Variants in RNLS observed in about 807,000 individuals in gnomAD.
RNLS encodes renalase.
Under a neutral mutation model 39.8 loss-of-function variants are expected in RNLS, and 39 were observed. That is an observed-to-expected ratio of 0.98 (90% CI 0.76 to 1.28). The LOEUF (loss-of-function observed/expected upper bound fraction) is 1.28, where lower values mean the gene tolerates loss of function less well. Ranked by LOEUF, RNLS falls within the 50% of genes most tolerant of loss-of-function variation. The pLI, the probability that RNLS is intolerant of heterozygous loss-of-function variation, is 0.00. For synonymous variants in RNLS, 147 were observed against 150.7 expected (o/e 0.98, Z 0.18); for missense variants, 410 against 413.3 (o/e 0.99, Z 0.07).
chr10:88,357,425 T>C (rs1282162391), intron 5 of RNLS, among the ~76,000 whole-genome samples: 2 of 152,170 alleles, frequency 1.3e-5, no homozygotes, highest in African/African-American at 4.8e-5. Context: ...ATGACAGATA[T>C]TGCTGATTGT....
chr10:88,483,733 T>C (rs1844338412), intron 4 of RNLS, among the ~76,000 whole-genome samples: 1 of 152,076 alleles, frequency 6.6e-6, no homozygotes. Flanking sequence ...TCACACTTCT[T>C]TCCAGAGAAT....
At chr10:88,199,832 TA>T in the RNLS span, among the ~76,000 whole-genome samples, 3 of 152,198 alleles carry the variant, frequency 2.0e-5, no homozygotes, top group Non-Finnish European at 2.9e-5. Flanking sequence ...TTGACATATT[TA>T]AAATCTTCCC....
At chr10:88,352,886 T>C (rs1206518327) in intron 5 of RNLS, among the ~76,000 whole-genome samples, 5 of 152,222 alleles carry the variant, frequency 3.3e-5, no homozygotes, top group African/African-American at 1.2e-4. Flanking sequence ...GAGCCTGTTA[T>C]TGGTCTATTA....
intron 5 of RNLS, among the ~76,000 whole-genome samples, chr10:88,322,867 T>A (rs1304906879): frequency 6.6e-6 from 1 of 152,092 alleles, no homozygotes; most frequent in Non-Finnish European, 1.5e-5. Flanking sequence ...GATGACATGA[T>A]CCTATACCTA....
intron 4 of RNLS, among the ~76,000 whole-genome samples, chr10:88,488,821 G>A (rs954257678): frequency 6.6e-6 from 1 of 152,168 alleles, no homozygotes; most frequent in Non-Finnish European, 1.5e-5. Context: ...ATGTTTGAAG[G>A]AGGAATTTGG....
intron 4 of RNLS, among the ~76,000 whole-genome samples, chr10:88,540,224 A>AT (rs562047677): frequency 6.8e-4 from 103 of 152,294 alleles, no homozygotes; most frequent in African/African-American, 2.4e-3. Flanking sequence ...CAAGCATTTC[A>AT]TAAGCTATTA....
chr10:88,410,421 A>G (rs1221970404), intron 4 of RNLS, among the ~76,000 whole-genome samples: 1 of 152,114 alleles, frequency 6.6e-6, no homozygotes, highest in Non-Finnish European at 1.5e-5. Flanking sequence ...AAAGAGTTAA[A>G]TTTATAAATT....
chr10:88,312,980 G>GT (rs1246771676), intron 6 of RNLS, among the ~76,000 whole-genome samples: 1 of 152,090 alleles, frequency 6.6e-6, no homozygotes, highest in African/African-American at 2.4e-5. Context: ...TCCCTTTCAG[G>GT]TTTTGCAGCC....
At chr10:88,509,201 A>C (rs1845954395) in intron 4 of RNLS, among the ~76,000 whole-genome samples, 1 of 152,076 alleles carries the variant, frequency 6.6e-6, no homozygotes, top group Non-Finnish European at 1.5e-5. Flanking sequence ...TTTTTAAAAA[A>C]CTGTATGATT....
At chr10:88,231,037 A>G in the RNLS span, among the ~76,000 whole-genome samples, 1 of 151,600 alleles carries the variant, frequency 6.6e-6, no homozygotes, top group Non-Finnish European at 1.5e-5. Context: ...ACCTCCTCTA[A>G]CCTCTCAACC....
intron 4 of RNLS, among the ~76,000 whole-genome samples, chr10:88,452,994 T>C (rs1004994890): frequency 2.6e-4 from 39 of 152,232 alleles, no homozygotes; most frequent in African/African-American, 9.1e-4. Flanking sequence ...GCAGAGGTGC[T>C]AGTTGATGGT....
At chr10:88,195,925 G>A in the RNLS span, among the ~76,000 whole-genome samples, 1 of 152,138 alleles carries the variant, frequency 6.6e-6, no homozygotes. Context: ...AATATGACCT[G>A]AGTCCTTTCC....
chr10:88,368,620 A>G (rs1393154866), intron 4 of RNLS, among the ~76,000 whole-genome samples: 1 of 152,114 alleles, frequency 6.6e-6, no homozygotes, highest in African/African-American at 2.4e-5. Context: ...TGCTTACCAT[A>G]AGACCAAAAG....
intron 5 of RNLS, among the ~76,000 whole-genome samples, chr10:88,324,102 A>C (rs936721293): frequency 3.9e-5 from 6 of 152,146 alleles, no homozygotes; most frequent in Non-Finnish European, 8.8e-5. Context: ...GCAAGGCTGC[A>C]GAGAAAAGGA....
intron 6 of RNLS, among the ~76,000 whole-genome samples, chr10:88,300,044 A>G (rs1844399471): frequency 6.6e-6 from 1 of 152,192 alleles, no homozygotes; most frequent in African/African-American, 2.4e-5. Context: ...AGAACTCAAA[A>G]AATTACTGCA....
intron 5 of RNLS, among the ~76,000 whole-genome samples, chr10:88,344,835 C>G (rs1158111147): frequency 6.6e-6 from 1 of 152,088 alleles, no homozygotes; most frequent in Non-Finnish European, 1.5e-5. Flanking sequence ...AAGAATTCCC[C>G]TAGTCCCACA....
At chr10:88,512,740 G>A (rs1486039050) in intron 4 of RNLS, among the ~76,000 whole-genome samples, 5 of 152,018 alleles carry the variant, frequency 3.3e-5, no homozygotes, top group Non-Finnish European at 7.4e-5. Flanking sequence ...CTGCTCACAG[G>A]TGCCCAACGA....
chr10:88,368,004 C>T (rs1369010788), intron 4 of RNLS, among the ~76,000 whole-genome samples: 2 of 151,804 alleles, frequency 1.3e-5, no homozygotes, highest in African/African-American at 2.4e-5. Flanking sequence ...TTAATATAGC[C>T]TAACTTATTT....
chr10:88,251,001 C>A, the RNLS span, among the ~76,000 whole-genome samples: 4 of 152,300 alleles, frequency 2.6e-5, no homozygotes, highest in African/African-American at 9.6e-5. Context: ...TTAAAAGCTA[C>A]AAACCTAAAA....
Sources: allele counts gnomAD v4.1 joint callset (sites outside exome capture counted in the v4.1 genomes callset), GRCh38; gene constraint gnomAD v4.1.1; transcripts MANE v1.5; gene names NCBI Gene and HGNC (gene_info 2026-07-23, HGNC 2026-07-21).